Variants in LGR4 observed in about 807,000 individuals in gnomAD.
LGR4 encodes the protein leucine rich repeat containing G protein-coupled receptor 4.
Under a neutral mutation model 84.8 loss-of-function variants are expected in LGR4, and 44 were observed. The observed-to-expected ratio is 0.52, with a 90% CI of 0.41 to 0.67. The LOEUF is 0.67. Among genes scored for constraint, LGR4 ranks in the 30% least tolerant of loss-of-function variants. The probability of loss-of-function intolerance (pLI) is 0.00; values close to 1 mark genes in which losing one functional copy is unlikely to be tolerated. For missense variants in LGR4, 1,032 were observed against 1,131.4 expected (o/e 0.91, Z 1.26); for synonymous variants, 429 against 434.3 (o/e 0.99, Z 0.15).
chr11:27,401,682 ATTCCG>A (rs1348798762), intron 2 of LGR4, among the ~76,000 whole-genome samples: 1 of 152,198 alleles, frequency 6.6e-6, no homozygotes, highest in Admixed American at 6.5e-5. Flanking sequence ...CTTCAACAGA[ATTCCG>A]TTTTTATATA....
At chr11:27,415,700 T>G (rs1310041954) in intron 1 of LGR4, among the ~76,000 whole-genome samples, 1 of 152,116 alleles carries the variant, frequency 6.6e-6, no homozygotes, top group Admixed American at 6.6e-5. Flanking sequence ...TTTCTGGGAT[T>G]CAGTTACAAC....
intron 1 of LGR4, among the ~76,000 whole-genome samples, chr11:27,456,328 T>C (rs570378215): frequency 6.6e-6 from 1 of 152,260 alleles, no homozygotes; most frequent in African/African-American, 2.4e-5. Context: ...ACACACAGTG[T>C]TCGAGTCAAC....
intron 2 of LGR4, 29 bp from the exon 3 acceptor site, chr11:27,392,547 GA>G (rs1253234383): frequency 4.0e-6 from 6 of 1,487,882 alleles, no homozygotes; most frequent in Admixed American, 2.3e-5. Context: ...AAAGTAGCAA[GA>G]AAAAAATAGT....
intron 1 of LGR4, among the ~76,000 whole-genome samples, chr11:27,442,142 G>T (rs540860354): frequency 6.6e-6 from 1 of 152,282 alleles, no homozygotes; most frequent in African/African-American, 2.4e-5. Flanking sequence ...CTGAGATGGA[G>T]AAAAGCATAT....
chr11:27,368,042 C>A lies in LGR4; in HGVS notation c.2681G>T (p.Gly894Val), dbSNP rs759208288. The change falls in exon 18 of 18, where the codon GGC becomes GTC. Residue 894 changes from glycine (G) to valine (V), a missense_variant. Gly to Val is a moderately radical substitution (Grantham distance 109). Coordinates refer to ENST00000379214, the MANE Select transcript of LGR4 (RefSeq NM_018490.5). ...LAVASCQRPE[G>V]YWSDCGTQSA... is the part of the protein sequence containing the mutation. ...CTGTGTGCCACAGTCGGACCAGTAG[C>A]CCTCAGGTCTTTGGCAAGAAGCCAC... The A allele has an allele frequency of 1.9e-6, 3 of 1,613,714 alleles. No individual in the cohort carries two copies. In the South Asian group the frequency reaches 3.3e-5, roughly 18 times the overall value.
chr11:27,459,929 A>G (rs1864652710), intron 1 of LGR4, among the ~76,000 whole-genome samples: 2 of 152,014 alleles, frequency 1.3e-5, no homozygotes, highest in South Asian at 4.1e-4. Context: ...CATCTCTACT[A>G]AAAATACAAA....
intron 12 of LGR4, 123 bp downstream of exon 12, chr11:27,377,035 T>G (rs1862996901): frequency 1.8e-6 from 1 of 567,704 alleles, no homozygotes; most frequent in Admixed American, 3.2e-5. Context: ...ATGTTATTTA[T>G]GGGAACATCT....
intron 2 of LGR4, among the ~76,000 whole-genome samples, 193 bp from the exon 3 acceptor site, chr11:27,392,711 AT>A (rs1235091366): frequency 2.6e-5 from 4 of 151,710 alleles, no homozygotes; most frequent in African/African-American, 7.2e-5. Flanking sequence ...TGTCTCTAGA[AT>A]TTTTTTTTAA....
chr11:27,420,982 A>G (rs967249807), intron 1 of LGR4, among the ~76,000 whole-genome samples: 2 of 152,162 alleles, frequency 1.3e-5, no homozygotes, highest in African/African-American at 4.8e-5. Context: ...GACAAGCAAA[A>G]ACTACATCCC....
At chr11:27,373,853 C>T (rs1195264425) in intron 14 of LGR4, 122 bp downstream of exon 14, 14 of 1,003,718 alleles carry the variant, frequency 1.4e-5, no homozygotes, top group South Asian at 8.8e-5. Context: ...ATAAATACAG[C>T]TTAGCATTTA....
chr11:27,407,390 T>C (rs997786880), intron 2 of LGR4, among the ~76,000 whole-genome samples: 2 of 152,114 alleles, frequency 1.3e-5, no homozygotes, highest in South Asian at 2.1e-4. Flanking sequence ...CAGATGAACA[T>C]AGATCCAATT....
chr11:27,458,560 T>C (rs897202688), intron 1 of LGR4, among the ~76,000 whole-genome samples: 6 of 151,860 alleles, frequency 4.0e-5, no homozygotes, highest in African/African-American at 1.5e-4. Context: ...TTTTTTGAGA[T>C]GGAATTTCGC....
intron 1 of LGR4, among the ~76,000 whole-genome samples, chr11:27,463,841 AT>A (rs1210395686): frequency 6.6e-6 from 1 of 152,214 alleles, no homozygotes. Context: ...AATGTATTAA[AT>A]TCATTTAATG....
At chr11:27,460,158 G>A (rs1021066980) in intron 1 of LGR4, among the ~76,000 whole-genome samples, 19 of 152,198 alleles carry the variant, frequency 1.2e-4, no homozygotes, top group Non-Finnish European at 2.5e-4. Context: ...ACCATCTCCT[G>A]TCACACCTGC....
chr11:27,464,243 G>A (rs1387674564), intron 1 of LGR4, among the ~76,000 whole-genome samples: 6 of 152,162 alleles, frequency 3.9e-5, no homozygotes, highest in South Asian at 2.1e-4. Context: ...GCAACCATGA[G>A]TTTCCTCCCT....
chr11:27,430,032 A>AGTAC (rs983223983), intron 1 of LGR4, among the ~76,000 whole-genome samples: 2 of 151,470 alleles, frequency 1.3e-5, no homozygotes, highest in Non-Finnish European at 3.0e-5. Flanking sequence ...GACATCTGTG[A>AGTAC]GTACTTGGCA....
At chr11:27,457,831 A>G (rs1864601869) in intron 1 of LGR4, among the ~76,000 whole-genome samples, 1 of 152,210 alleles carries the variant, frequency 6.6e-6, no homozygotes, top group Non-Finnish European at 1.5e-5. Context: ...CTCCTTAGCA[A>G]TGAAAATGAG....
At chr11:27,457,327 T>C (rs1054031186) in intron 1 of LGR4, among the ~76,000 whole-genome samples, 1 of 152,196 alleles carries the variant, frequency 6.6e-6, no homozygotes, top group Admixed American at 6.5e-5. Flanking sequence ...CTTTTTTCAC[T>C]GTAAGCAAAA....
chr11:27,372,472 T>G, intron 15 of LGR4, 74 bp from the exon 16 acceptor site: 1 of 923,068 alleles, frequency 1.1e-6, no homozygotes. Context: ...AAAAGTATTT[T>G]AAACTTTGAA....
Sources: gnomAD v4.1 joint callset for allele counts (sites outside exome capture counted in the v4.1 genomes callset) on GRCh38, gnomAD v4.1.1 for gene constraint, MANE v1.5 for transcripts, NCBI Gene and HGNC (gene_info 2026-07-23, HGNC 2026-07-21) for gene names.